The following CCDC85C variants were observed in gnomAD, a reference collection of about 807,000 sequenced individuals.
CCDC85C encodes the protein coiled-coil domain containing 85C.
CCDC85C carries 18 observed loss-of-function variants against 38.3 expected under a neutral mutation model. The ratio of observed to expected loss-of-function variants is 0.47; its 90% confidence interval spans 0.33 to 0.70. CCDC85C has a LOEUF of 0.70. Among genes scored for constraint, CCDC85C ranks in the 30% least tolerant of loss-of-function variants. CCDC85C has a pLI of 0.03. For synonymous variants in CCDC85C, 264 were observed against 293.8 expected (o/e 0.90, Z 1.04); for missense variants, 566 against 621.2 (o/e 0.91, Z 0.94).
rs2139918033 is a variant in CCDC85C, at chr14:99,535,792, G to A, written c.867+223C>T. Among the ~76,000 whole-genome samples the A allele has an allele frequency of 6.6e-6, 1 of 152,282 alleles. No homozygotes were observed. The highest frequency in any genetic ancestry group is 2.4e-5 in the African/African-American group (1 of 41,560). On this transcript the variant is annotated intron_variant, in intron 2 of 5. Transcript: ENST00000380243. The surrounding 1 kb of genome is among the most constrained non-coding windows in gnomAD (Gnocchi z 5.5). Reference sequence around the variant, plus strand: ...TCAGGCCCTGGGCCAGCCCTGAGGAGCTCGCATACTGGGCAGTCAGCATGG... The same window carrying A: ...TCAGGCCCTGGGCCAGCCCTGAGGAACTCGCATACTGGGCAGTCAGCATGG...
Position 99,545,999 on chromosome 14 carries a change from A to G in CCDC85C, c.794-9911T>C, listed in dbSNP as rs936428933. ...TTAGTGGAGCTGAACTCTGAAGCAA[A>G]GGCAAAAAAAGCTAGAGGGATTATG... is the stretch of plus-strand genomic sequence containing the variant. On this transcript the variant is annotated intron_variant, in intron 1 of 5. Coordinates refer to ENST00000380243, the MANE Select transcript of CCDC85C (RefSeq NM_001144995.2). This position sits in a 1 kb window ranked among gnomAD's most constrained non-coding sequence, Gnocchi z 4.7. 6.6e-6 allele frequency among the ~76,000 whole-genome samples: 1 copy of G among 151,916 alleles called. No homozygotes were observed. Among genetic ancestry groups the G allele is most frequent in the Non-Finnish European group, 1.5e-5 (1 of 67,974 alleles).
intron 3 of CCDC85C, among the ~76,000 whole-genome samples, chr14:99,519,678 G>A (rs939489263): frequency 6.6e-6 from 1 of 152,156 alleles, no homozygotes; most frequent in African/African-American, 2.4e-5. Flanking sequence ...ACAAATGAAG[G>A]AATCATGTGT....
intron 2 of CCDC85C, among the ~76,000 whole-genome samples, chr14:99,532,679 G>GTC (rs751689218): frequency 4.1e-4 from 63 of 151,936 alleles, no homozygotes; most frequent in African/African-American, 1.4e-3. Flanking sequence ...CCGTCTCTCT[G>GTC]TCTCTCTCTC....
intron 2 of CCDC85C, among the ~76,000 whole-genome samples, chr14:99,530,762 G>A (rs146630354): frequency 1.0e-3 from 154 of 152,348 alleles, no homozygotes; most frequent in Non-Finnish European, 1.5e-3. Flanking sequence ...CCTCCCAGGT[G>A]AGGACACTGA....
At chr14:99,579,574 C>G (rs562056946) in intron 1 of CCDC85C, among the ~76,000 whole-genome samples, 4 of 152,372 alleles carry the variant, frequency 2.6e-5, no homozygotes, top group Admixed American at 2.6e-4. Context: ...CTTCCTGGAG[C>G]CTTCTCCAGG....
At chr14:99,534,933 G>A in intron 2 of CCDC85C, 2 of 574,896 alleles carry the variant, frequency 3.5e-6, no homozygotes, top group Non-Finnish European at 6.2e-6. Flanking sequence ...GCGGGGTGTG[G>A]AGGAGAGTTC....
chr14:99,532,031 A>C (rs1490149995), intron 2 of CCDC85C, among the ~76,000 whole-genome samples: 1 of 152,306 alleles, frequency 6.6e-6, no homozygotes, highest in South Asian at 2.1e-4. Flanking sequence ...CAGGCTCCCC[A>C]AGACACATCC....
intron 1 of CCDC85C, among the ~76,000 whole-genome samples, chr14:99,562,807 G>T (rs1172942601): frequency 1.3e-5 from 2 of 151,894 alleles, no homozygotes; most frequent in Non-Finnish European, 2.9e-5. Flanking sequence ...ACAAAGGCAC[G>T]CTCCCAGAAA....
intron 2 of CCDC85C, among the ~76,000 whole-genome samples, chr14:99,524,336 C>T (rs1002537159): frequency 3.3e-5 from 5 of 152,014 alleles, no homozygotes; most frequent in Non-Finnish European, 2.9e-5. Context: ...GTTTGGACTC[C>T]GGCGTCCCTT....
intron 1 of CCDC85C, among the ~76,000 whole-genome samples, chr14:99,586,609 C>T (rs566361020): frequency 6.6e-6 from 1 of 152,222 alleles, no homozygotes; most frequent in Admixed American, 6.5e-5. Context: ...GAGGGTTCCT[C>T]CTCCTGAAGC....
At chr14:99,517,217 T>C (rs1185632254) in intron 3 of CCDC85C, 34 bp from the exon 4 acceptor site, 2 of 1,478,530 alleles carry the variant, frequency 1.4e-6, no homozygotes, top group African/African-American at 2.8e-5. Context: ...CAGCTCACCC[T>C]GGCTGGCTCC....
chr14:99,512,275 G>C lies in CCDC85C; in HGVS notation c.*2971C>G, dbSNP rs1348516208. Reference sequence around the variant, plus strand: ...GGAAGGGGTGGCTCCAGGTCTCACTGTGGCACCTTCTACAGAAAATAGACG... The same window carrying C: ...GGAAGGGGTGGCTCCAGGTCTCACTCTGGCACCTTCTACAGAAAATAGACG... On this transcript the variant is annotated 3_prime_UTR_variant, in exon 6 of 6. Transcript: ENST00000380243. 6.6e-6 allele frequency: 1 copy of C among 152,078 alleles called. No individual in the cohort carries two copies. The highest frequency in any genetic ancestry group is 1.5e-5 in the Non-Finnish European group (1 of 68,016). 9.4% of individuals were successfully genotyped at this position (152,078 alleles called of 1,614,324 possible).
chr14:99,603,920 C>T lies in CCDC85C; in HGVS notation c.40G>A (p.Glu14Lys). The change falls in exon 1 of 6, where the codon GAG becomes AAG. Residue 14 changes from glutamate to lysine, a missense_variant. This residue lies in a region of CCDC85C where 269 missense variants were observed against 308.2 expected (regional missense o/e 0.87). Coordinates refer to ENST00000380243, the MANE Select transcript of CCDC85C (RefSeq NM_001144995.2). The surrounding 1 kb of genome is among the most constrained non-coding windows in gnomAD (Gnocchi z 7.5). The stretch of plus-strand genomic sequence containing the variant: ...TCCTCGTCCGGCACCTGGCTCAGCT[C>T]CTCCGACGCCGCCGCCGCCGTCGCC... ...PAATAAAASE[E>K]LSQVPDEELL... The T allele has an allele frequency of 4.2e-6, 6 of 1,433,398 alleles. No individual in the cohort carries two copies. The highest frequency in any genetic ancestry group is 5.5e-6 in the Non-Finnish European group (6 of 1,098,714). The allele number at this position is 1,433,398 out of a possible 1,614,324, so 88.8% of individuals were successfully genotyped here. A position where few individuals can be genotyped will look rare whatever the true frequency, so the allele number is the denominator to read the frequency against.
In CCDC85C at chr14:99,520,817, T is replaced by C. The variant is rs796092430; in HGVS notation, c.975+1316A>G. On this transcript the variant is annotated intron_variant, in intron 3 of 5. Transcript: ENST00000380243. This position sits in a 1 kb window ranked among gnomAD's most constrained non-coding sequence, Gnocchi z 4.1. ...CTCCAAAGTAGGGGACACCCCTTCA[T>C]GCACAGAGCAGTCTAGAGGAAAAAA... Among the ~76,000 whole-genome samples, 2 of 152,230 alleles carry C rather than the reference T, an allele frequency of 1.3e-5. No homozygotes were observed. Among genetic ancestry groups the C allele is most frequent in the African/African-American group, 2.4e-5 (1 of 41,470 alleles).
intron 1 of CCDC85C, among the ~76,000 whole-genome samples, chr14:99,564,039 T>A (rs1898168494): frequency 6.6e-6 from 1 of 152,178 alleles, no homozygotes; most frequent in African/African-American, 2.4e-5. Flanking sequence ...CCAGCCTACA[T>A]GTACACAGGT....
intron 2 of CCDC85C, among the ~76,000 whole-genome samples, chr14:99,523,547 G>C (rs949204024): frequency 6.6e-6 from 1 of 152,202 alleles, no homozygotes; most frequent in African/African-American, 2.4e-5. Flanking sequence ...AGGAAAGCAG[G>C]GATCCGGCAC....
In CCDC85C at chr14:99,535,242, C is replaced by T. The variant is rs1341845232; in HGVS notation, c.867+773G>A. Among the ~76,000 whole-genome samples, 1 of 152,190 alleles carries T rather than the reference C, an allele frequency of 6.6e-6. No homozygotes were observed. The highest frequency in any genetic ancestry group is 1.9e-4 in the East Asian group (1 of 5,196). ...GGTATCCCAGGCTGACCGCTCACGG[C>T]GCAGTGGGAAAAGCAGGGAGAGGGA... is the stretch of plus-strand genomic sequence containing the variant. On this transcript the variant is annotated intron_variant, in intron 2 of 5. Coordinates refer to ENST00000380243, the MANE Select transcript of CCDC85C (RefSeq NM_001144995.2). The surrounding 1 kb of genome is among the most constrained non-coding windows in gnomAD (Gnocchi z 5.5).
intron 1 of CCDC85C, among the ~76,000 whole-genome samples, chr14:99,537,933 T>C (rs181367441): frequency 4.1e-4 from 62 of 152,272 alleles, no homozygotes; most frequent in Admixed American, 8.5e-4. Context: ...TGTACCCTAC[T>C]AACAGGAGGG....
intron 1 of CCDC85C, among the ~76,000 whole-genome samples, chr14:99,590,256 C>G (rs2055071583): frequency 6.6e-6 from 1 of 151,932 alleles, no homozygotes; most frequent in Non-Finnish European, 1.5e-5. Context: ...AGGGTGGGGG[C>G]ACCAGCAGGA....
Sources: gnomAD v4.1 joint callset for allele counts (sites outside exome capture counted in the v4.1 genomes callset) on GRCh38, gnomAD v4.1.1 for gene constraint, gnomAD v4.1.1 regional missense constraint, Gnocchi (gnomAD v3.1) non-coding constraint, MANE v1.5 for transcripts, NCBI Gene and HGNC (gene_info 2026-07-23, HGNC 2026-07-21) for gene names.